Variants in SORT1 observed in about 807,000 individuals in gnomAD.
SORT1 encodes the protein sortilin.
SORT1 carries 39 observed loss-of-function variants against 101.7 expected under a neutral mutation model. The ratio of observed to expected loss-of-function variants is 0.38; its 90% CI spans 0.30 to 0.50. The LOEUF (loss-of-function observed/expected upper bound fraction) is 0.50, where lower values mean the gene tolerates loss of function less well. Among genes scored for constraint, SORT1 ranks in the 20% least tolerant of loss-of-function variants. The probability of loss-of-function intolerance (pLI) is 0.90; values close to 1 mark genes in which losing one functional copy is unlikely to be tolerated. For synonymous variants in SORT1, 396 were observed against 393.7 expected (o/e 1.01, Z -0.07); for missense variants, 878 against 1,040.4 (o/e 0.84, Z 2.15).
intron 1 of SORT1, 47 bp downstream of exon 1, chr1:109,397,540 G>A: frequency 9.0e-7 from 1 of 1,105,474 alleles, no homozygotes; most frequent in South Asian, 3.2e-5. Flanking sequence ...GGGGCACGCG[G>A]GCGGCACCTC....
intron 11 of SORT1, 68 bp from the exon 12 acceptor site, chr1:109,327,669 A>G (rs1410490038): frequency 2.9e-6 from 3 of 1,045,452 alleles, no homozygotes; most frequent in Non-Finnish European, 4.2e-6. Flanking sequence ...ATCATTTCAC[A>G]AAACCCTTCC....
At chr1:109,394,456 T>C (rs1407622217) in intron 1 of SORT1, among the ~76,000 whole-genome samples, 1 of 152,124 alleles carries the variant, frequency 6.6e-6, no homozygotes, top group Non-Finnish European at 1.5e-5. Flanking sequence ...AAAGGGAGGC[T>C]TGGGCAAAGA....
chr1:109,335,611 C>T (rs1374180030), intron 11 of SORT1, among the ~76,000 whole-genome samples: 1 of 117,820 alleles, frequency 8.5e-6, no homozygotes, highest in African/African-American at 2.5e-5. Flanking sequence ...CTCCAGCTGT[C>T]CCCCAAGCTC....
chr1:109,316,908 C>T lies in SORT1; in HGVS notation c.2192G>A (p.Arg731Gln), dbSNP rs1380095402. Residue 731 changes from arginine (R) to glutamine (Q), a missense_variant, in exon 17 of 20, where the codon CGA becomes CAA. Arg to Gln is a conservative substitution (Grantham distance 43). This residue lies in a region of SORT1 where 684 missense variants were observed against 894.5 expected (regional missense o/e 0.76). Coordinates refer to ENST00000256637, the MANE Select transcript of SORT1 (RefSeq NM_002959.7). ...DKCQGGVNPV[R>Q]EVKDLKKKCT... The stretch of plus-strand genomic sequence containing the variant: ...TTTCTTTTTCAAGTCTTTTACTTCT[C>T]GAACTGGATTTACCCCACCCTGGCA... 3 of 1,611,834 alleles carry T rather than the reference C, an allele frequency of 1.9e-6. No homozygotes were observed. The highest frequency in any genetic ancestry group is 2.5e-6 in the Non-Finnish European group (3 of 1,179,162).
chr1:109,378,057 C>G (rs1166824783), intron 1 of SORT1, among the ~76,000 whole-genome samples: 1 of 151,808 alleles, frequency 6.6e-6, no homozygotes, highest in African/African-American at 2.4e-5. Context: ...ATAGTGAGAC[C>G]CCGCCCCCAT....
At chr1:109,371,960 A>T (rs1651506312) in intron 1 of SORT1, among the ~76,000 whole-genome samples, 1 of 152,194 alleles carries the variant, frequency 6.6e-6, no homozygotes, top group Non-Finnish European at 1.5e-5. Flanking sequence ...GGTGAAAGTT[A>T]AAAAAGAAAA....
At chr1:109,358,964 G>T (rs990678934) in intron 3 of SORT1, among the ~76,000 whole-genome samples, 3 of 152,020 alleles carry the variant, frequency 2.0e-5, no homozygotes, top group Non-Finnish European at 2.9e-5. Context: ...TGTATCCACG[G>T]TGTAAACATG....
At chr1:109,343,892 T>C (rs1194146005) in intron 8 of SORT1, among the ~76,000 whole-genome samples, 2 of 152,140 alleles carry the variant, frequency 1.3e-5, no homozygotes, top group African/African-American at 4.8e-5. Context: ...CTCAAGTGAT[T>C]TGCTCGTCTT....
At position 109,327,598 on chromosome 1, in the gene SORT1, T is replaced by C. The variant is rs1648171599; in HGVS notation, c.1375A>G (p.Ser459Gly). Residue 459 changes from serine (S) to glycine (G), a missense_variant, in exon 12 of 20, where the codon AGC (serine) becomes GGC (glycine). Ser to Gly is a moderately conservative substitution (Grantham distance 56, BLOSUM62 0). Transcript: ENST00000256637. ...DATAKNKNECSLHIHASYSIS... is the reference protein window; with the variant it reads ...DATAKNKNECGLHIHASYSIS... ...CTGTAGGAAGCATGAATATGAAGGC[T>C]GCACTGTGAAAAGAAACAAAAGCGT... The C allele has an allele frequency of 6.3e-7, 1 of 1,577,996 alleles. No individual in the cohort carries two copies. Among genetic ancestry groups the C allele is most frequent in the Non-Finnish European group, 8.6e-7 (1 of 1,163,378 alleles).
At chr1:109,394,960 T>A (rs907767308) in intron 1 of SORT1, among the ~76,000 whole-genome samples, 7 of 152,188 alleles carry the variant, frequency 4.6e-5, no homozygotes, top group Non-Finnish European at 7.3e-5. Context: ...TATTTCACAC[T>A]GTTTTATAAA....
chr1:109,392,847 C>G lies in SORT1; in HGVS notation c.306+4740G>C, dbSNP rs1057245277. The G allele has an allele frequency of 3.8e-5, 37 of 985,058 alleles. No individual in the cohort carries two copies. In the African/African-American group the frequency reaches 6.5e-4, roughly 17 times the overall value. 61.0% of individuals were successfully genotyped at this position (985,058 alleles called of 1,614,324 possible). A position where few individuals can be genotyped will look rare whatever the true frequency, so the allele number is the denominator to read the frequency against. On this transcript the variant is annotated intron_variant, in intron 1 of 19. Transcript: ENST00000256637. ...TTCGCTCACTCTGCTCAACCAGGAC[C>G]AAGAAGGAGATCCTACAGAGTTCCT...
intron 1 of SORT1, among the ~76,000 whole-genome samples, chr1:109,377,196 C>A (rs959237460): frequency 6.6e-6 from 1 of 152,124 alleles, no homozygotes; most frequent in African/African-American, 2.4e-5. Context: ...ACATGTAGAA[C>A]TATTTACATA....
intron 8 of SORT1, among the ~76,000 whole-genome samples, chr1:109,345,242 C>T (rs546986974): frequency 3.9e-5 from 6 of 152,156 alleles, no homozygotes; most frequent in East Asian, 3.9e-4. Flanking sequence ...TGGCCGGGCG[C>T]GGTGGCTCAC....
intron 8 of SORT1, among the ~76,000 whole-genome samples, chr1:109,345,220 A>T (rs561608863): frequency 6.6e-6 from 1 of 152,296 alleles, no homozygotes; most frequent in South Asian, 2.1e-4. Flanking sequence ...CAAACACTGG[A>T]TCAAAATATC....
At chr1:109,366,238 T>G (rs1041099591) in intron 3 of SORT1, among the ~76,000 whole-genome samples, 18 of 152,188 alleles carry the variant, frequency 1.2e-4, no homozygotes, top group Non-Finnish European at 2.1e-4. Context: ...GTATAGGTTG[T>G]GGTTCCAGAA....
chr1:109,339,230 C>T (rs1649051039), intron 10 of SORT1, among the ~76,000 whole-genome samples: 1 of 152,144 alleles, frequency 6.6e-6, no homozygotes, highest in Admixed American at 6.5e-5. Context: ...CTTCCCTCCC[C>T]ATTCCTGCCT....
At chr1:109,393,011 G>T in intron 1 of SORT1, 1 of 985,440 alleles carries the variant, frequency 1.0e-6, no homozygotes, top group Non-Finnish European at 1.2e-6. Flanking sequence ...AAGTTCCGGG[G>T]CATTAAAGGA....
chr1:109,352,329 T>C (rs550461021), intron 5 of SORT1, among the ~76,000 whole-genome samples: 37 of 151,814 alleles, frequency 2.4e-4, no homozygotes, highest in African/African-American at 7.5e-4. Flanking sequence ...AAATGAGGAG[T>C]AGGCATTTAA....
chr1:109,333,498 A>G (rs1379158517), intron 11 of SORT1, among the ~76,000 whole-genome samples: 1 of 152,226 alleles, frequency 6.6e-6, no homozygotes, highest in Non-Finnish European at 1.5e-5. Context: ...AATGGGAGAA[A>G]ATACTTGCAA....
Sources: gnomAD v4.1 joint callset for allele counts (sites outside exome capture counted in the v4.1 genomes callset) on GRCh38, gnomAD v4.1.1 for gene constraint, gnomAD v4.1.1 regional missense constraint, MANE v1.5 for transcripts, NCBI Gene and HGNC (gene_info 2026-07-23, HGNC 2026-07-21) for gene names.